FRMPD4: variants seen among roughly 807,000 people sequenced by gnomAD.
FRMPD4 encodes the protein FERM and PDZ domain-containing protein 4.
FRMPD4 carries 22 observed loss-of-function variants against 94.1 expected under a neutral mutation model. That is an observed-to-expected ratio of 0.23 (90% confidence interval 0.17 to 0.33). The LOEUF (loss-of-function observed/expected upper bound fraction) is 0.33. FRMPD4 is among the 10% of genes least tolerant of loss of function. FRMPD4 has a pLI of 1.00. For missense variants in FRMPD4, 1,111 were observed against 1,339.9 expected (o/e 0.83, Z 2.67); for synonymous variants, 631 against 548.6 (o/e 1.15, Z -2.10).
chrX:12,661,159 T>C (rs1172573461), intron 4 of FRMPD4, among the ~76,000 whole-genome samples: 1 of 112,257 alleles, frequency 8.9e-6, no homozygotes, highest in Non-Finnish European at 1.9e-5. Context: ...ACAAGATTAG[T>C]CCAGATTCAA....
chrX:11,967,356 C>T (rs6530469), intron 3 of FRMPD4, among the ~76,000 whole-genome samples: 13,876 of 111,908 alleles, frequency 0.12, 1,130 homozygotes, highest in African/African-American at 0.28. Context: ...ATGAACTGTT[C>T]TGCATGTACA....
At chrX:11,946,262 C>T (rs1245230334) in intron 3 of FRMPD4, among the ~76,000 whole-genome samples, 1 of 111,292 alleles carries the variant, frequency 9.0e-6, no homozygotes, top group Non-Finnish European at 1.9e-5. Context: ...CTATTCTTTG[C>T]TCCGGCAGAC....
At chrX:11,916,249 A>G (rs1426531529) in intron 3 of FRMPD4, among the ~76,000 whole-genome samples, 1 of 111,511 alleles carries the variant, frequency 9.0e-6, no homozygotes, top group African/African-American at 3.3e-5. Context: ...TGGATGGCAG[A>G]AAGTGAGGCT....
chrX:12,608,814 T>C (rs1187265329), intron 2 of FRMPD4, among the ~76,000 whole-genome samples: 2 of 112,273 alleles, frequency 1.8e-5, no homozygotes, highest in African/African-American at 3.2e-5. Context: ...CTTGCCCTCA[T>C]AGAGTGTATG....
chrX:12,259,767 G>A (rs900084941), intron 1 of FRMPD4, among the ~76,000 whole-genome samples: 1 of 111,207 alleles, frequency 9.0e-6, no homozygotes, highest in Non-Finnish European at 1.9e-5. Flanking sequence ...GAAGAATGTG[G>A]GTTTAGAGAT....
chrX:12,558,792 T>G (rs1040989257), intron 2 of FRMPD4, among the ~76,000 whole-genome samples: 3 of 111,908 alleles, frequency 2.7e-5, no homozygotes, highest in Admixed American at 9.5e-5. Flanking sequence ...TCCAGCTATT[T>G]GGGAGGCTAA....
At chrX:12,353,008 G>A (rs1336663197) in intron 1 of FRMPD4, among the ~76,000 whole-genome samples, 1 of 111,873 alleles carries the variant, frequency 8.9e-6, no homozygotes, top group Non-Finnish European at 1.9e-5. Context: ...TGTGAACCTA[G>A]AATGGAATAT....
rs1029501813 is a variant in FRMPD4 at position 12,153,339 on chromosome X, A to G, written c.41+14327A>G. 4.5e-5 allele frequency among the ~76,000 whole-genome samples: 5 copies of G among 112,260 alleles called. No homozygotes were observed. The South Asian group carries it at 1.9e-3, about 42-fold the overall frequency. On this transcript the variant is annotated intron_variant, in intron 1 of 16. Coordinates refer to ENST00000675598, the MANE Select transcript of FRMPD4 (RefSeq NM_001368397.1). The stretch of plus-strand genomic sequence containing the variant: ...AAGGGGACAACTTGATGTTTTTTAG[A>G]GAACCACATTCCAGCGATGTATTGA...
chrX:11,858,087 G>T (rs1331559284), intron 1 of FRMPD4, among the ~76,000 whole-genome samples: 2 of 111,564 alleles, frequency 1.8e-5, no homozygotes, highest in African/African-American at 3.3e-5. Flanking sequence ...GAAAAAGGAA[G>T]GCTTATGCAC....
chrX:12,440,880 T>C (rs1003557329), intron 1 of FRMPD4, among the ~76,000 whole-genome samples: 5 of 110,722 alleles, frequency 4.5e-5, no homozygotes, highest in Non-Finnish European at 7.6e-5. Flanking sequence ...AAGAGATAGA[T>C]AGTGAAGGGC....
intron 1 of FRMPD4, among the ~76,000 whole-genome samples, chrX:12,319,316 A>G (rs1260842351): frequency 3.6e-5 from 4 of 112,279 alleles, no homozygotes; most frequent in Non-Finnish European, 7.5e-5. Flanking sequence ...GCATTATAGT[A>G]CTTGTTCTCA....
chrX:12,128,828 A>G (rs998359410), intron 3 of FRMPD4, among the ~76,000 whole-genome samples: 6 of 111,844 alleles, frequency 5.4e-5, no homozygotes, highest in Non-Finnish European at 9.4e-5. Context: ...CATCTCTTTC[A>G]ATGTCAAAGT....
At chrX:12,047,612 GAGC>G (rs2147448188) in intron 3 of FRMPD4, among the ~76,000 whole-genome samples, 1 of 111,666 alleles carries the variant, frequency 9.0e-6, no homozygotes, top group South Asian at 3.8e-4. Flanking sequence ...CCCAGATAGT[GAGC>G]ATAGTACCAA....
intron 3 of FRMPD4, among the ~76,000 whole-genome samples, chrX:11,880,552 G>C (rs1041917978): frequency 3.6e-5 from 4 of 111,984 alleles, no homozygotes; most frequent in African/African-American, 1.3e-4. Flanking sequence ...AGATGAGAGA[G>C]ATAGTTTAAT....
intron 3 of FRMPD4, among the ~76,000 whole-genome samples, chrX:11,951,564 G>A (rs1396122715): frequency 9.0e-6 from 1 of 111,497 alleles, no homozygotes; most frequent in Non-Finnish European, 1.9e-5. Context: ...ACACATAGAG[G>A]GGAACAACAG....
At chrX:12,167,118 T>C (rs1303538471) in intron 1 of FRMPD4, among the ~76,000 whole-genome samples, 2 of 111,751 alleles carry the variant, frequency 1.8e-5, no homozygotes, top group African/African-American at 6.5e-5. Flanking sequence ...TTGCTCTTGC[T>C]TCTCTAGTTC....
At chrX:12,332,991 T>G (rs763024055) in intron 1 of FRMPD4, among the ~76,000 whole-genome samples, 31 of 111,934 alleles carry the variant, frequency 2.8e-4, no homozygotes, top group African/African-American at 7.4e-4. Flanking sequence ...CAACTCCTAA[T>G]TTGTGGTTTC....
intron 1 of FRMPD4, among the ~76,000 whole-genome samples, chrX:12,180,175 A>G (rs768015970): frequency 1.5e-4 from 17 of 112,184 alleles, no homozygotes; most frequent in Non-Finnish European, 2.1e-4. Flanking sequence ...CCACATGTAC[A>G]TAATTATATT....
At chrX:12,262,748 C>T (rs2054211835) in intron 1 of FRMPD4, among the ~76,000 whole-genome samples, 1 of 111,528 alleles carries the variant, frequency 9.0e-6, no homozygotes, top group African/African-American at 3.3e-5. Context: ...GTTATTCTGG[C>T]CGGGCCCATT....
Sources: gnomAD v4.1 joint callset for allele counts (sites outside exome capture counted in the v4.1 genomes callset) on GRCh38, gnomAD v4.1.1 for gene constraint, MANE v1.5 for transcripts, NCBI Gene and HGNC (gene_info 2026-07-23, HGNC 2026-07-21) for gene names.